Variants in CWC25 observed in about 807,000 individuals in gnomAD.
CWC25 encodes CWC25 spliceosome associated protein.
CWC25 carries 31 observed loss-of-function variants against 54.6 expected under a neutral mutation model. The ratio of observed to expected loss-of-function variants is 0.57; its 90% CI spans 0.43 to 0.77. The LOEUF (loss-of-function observed/expected upper bound fraction) is 0.77, where lower values mean the gene tolerates loss of function less well. Ranked by LOEUF, CWC25 falls within the 30% of genes least tolerant of loss-of-function variation. The probability of loss-of-function intolerance (pLI) is 0.00; values close to 1 mark genes in which losing one functional copy is unlikely to be tolerated. For missense variants in CWC25, 453 were observed against 529.3 expected (o/e 0.86, Z 1.41); for synonymous variants, 151 against 187.0 (o/e 0.81, Z 1.57).
At chr17:38,821,170 G>A in intron 1 of CWC25, 97 bp from the exon 2 acceptor site, 1 of 1,166,604 alleles carries the variant, frequency 8.6e-7, no homozygotes, top group Non-Finnish European at 1.2e-6. Context: ...ACCCAAGGCA[G>A]GCGTGTGAGG....
In CWC25 at chr17:38,800,622, C is replaced by T. The variant is rs143784640; in HGVS notation, c.*1470G>A. ...GTGTTCAAAAACAGAAATCCAAATA[C>T]ATTTTAAGCAGAATTAGGAATTAGC... On this transcript the variant is annotated 3_prime_UTR_variant, in exon 10 of 10. Coordinates refer to ENST00000614790, the MANE Select transcript of CWC25 (RefSeq NM_017748.5). 6.6e-6 allele frequency: 1 copy of T among 152,266 alleles called. No individual in the cohort carries two copies. The highest frequency in any genetic ancestry group is 2.4e-5 in the African/African-American group (1 of 41,548). The allele number at this position is 152,266 out of a possible 1,614,324, so 9.4% of individuals were successfully genotyped here. A position where few individuals can be genotyped will look rare whatever the true frequency, so the allele number is the denominator to read the frequency against.
intron 8 of CWC25, among the ~76,000 whole-genome samples, chr17:38,803,909 T>C (rs1447936490): frequency 1.3e-5 from 2 of 151,794 alleles, no homozygotes; most frequent in African/African-American, 4.8e-5. Flanking sequence ...TAGTTGGGCA[T>C]GGTGGCACCC....
rs887745214 is a variant in CWC25 at position 38,815,086 on chromosome 17, T to A, written c.203A>T (p.Glu68Val). Residue 68 changes from glutamate to valine, a missense_variant, in exon 3 of 10, where the codon GAA becomes GTA. By Grantham distance (121) the Glu-to-Val change is moderately radical. Transcript: ENST00000614790. ...ACCCTGGTACATCCAGTCCAACTTTTCTTCTTTTTTCCTGGTTCAAGGGAA... is the reference window on the plus strand; with the variant it reads ...ACCCTGGTACATCCAGTCCAACTTTACTTCTTTTTTCCTGGTTCAAGGGAA... ...EDVGAVKKKEEKLDWMYQGPG... is the reference protein window; with the variant it reads ...EDVGAVKKKEVKLDWMYQGPG... 1 of 1,612,192 alleles carries A rather than the reference T, an allele frequency of 6.2e-7. No homozygotes were observed. Among genetic ancestry groups the A allele is most frequent in the African/African-American group, 1.3e-5 (1 of 74,796 alleles).
chr17:38,811,569 G>A (rs1911490393), intron 4 of CWC25, among the ~76,000 whole-genome samples: 1 of 148,802 alleles, frequency 6.7e-6, no homozygotes, highest in Non-Finnish European at 1.5e-5. Flanking sequence ...AAAGATTACT[G>A]AGACCCCTAT....
At chr17:38,818,051 G>A (rs749995030) in intron 2 of CWC25, among the ~76,000 whole-genome samples, 12 of 151,540 alleles carry the variant, frequency 7.9e-5, no homozygotes, top group Admixed American at 2.0e-4. Context: ...GCTGAAGCGG[G>A]CAGATCACAA....
chr17:38,804,496 C>T (rs896696977), intron 8 of CWC25, among the ~76,000 whole-genome samples: 2 of 151,958 alleles, frequency 1.3e-5, no homozygotes, highest in Non-Finnish European at 2.9e-5. Context: ...ACATTGAAAC[C>T]CCATCTATAT....
In CWC25 at chr17:38,806,933, G is replaced by A; in HGVS notation, c.734C>T (p.Thr245Ile). 5 of 1,613,920 alleles carry A rather than the reference G, an allele frequency of 3.1e-6. No homozygotes were observed. Among genetic ancestry groups the A allele is most frequent in the Non-Finnish European group, 4.2e-6 (5 of 1,179,868 alleles). Residue 245 changes from threonine (T) to isoleucine (I), a missense_variant, in exon 7 of 10, where the codon ACA (threonine) becomes ATA (isoleucine). Physicochemically the swap from Thr to Ile is moderately conservative, Grantham distance 89. Around this residue, in one of 2 missense-constraint regions of CWC25, gnomAD observed 444 missense variants for 499.2 expected, o/e 0.89. Coordinates refer to ENST00000614790, the MANE Select transcript of CWC25 (RefSeq NM_017748.5). ...DRNQGLQGPLTAEQKRGHGMK... is the reference protein window; with the variant it reads ...DRNQGLQGPLIAEQKRGHGMK... ...CCCATGCCCTCTCTTTTGCTCTGCT[G>A]TCAGAGGACCCTGAAGACCCTGGTT...
At chr17:38,823,228 T>C (rs1457615799) in intron 1 of CWC25, among the ~76,000 whole-genome samples, 2 of 150,578 alleles carry the variant, frequency 1.3e-5, no homozygotes, top group African/African-American at 2.4e-5. Context: ...GGTGCAATCT[T>C]GGCTCACTGC....
rs779358498 is a variant in CWC25, at chr17:38,810,494, G to A, written c.600C>T (p.Ser200=). ...TCCCTGCACTGTGCTCATCCTCGCT[G>A]CTGGAACGATCACTACTCGAGCTTC... The part of the protein sequence containing the change: ...KHRSSSSDRS[S]SEDEHSAGRS... The change falls in exon 5 of 10, where the codon AGC becomes AGT. Residue 200 remains serine, a synonymous_variant. Transcript: ENST00000614790. 1.9e-6 allele frequency: 3 copies of A among 1,604,058 alleles called. No individual in the cohort carries two copies. The highest frequency in any genetic ancestry group is 1.3e-5 in the African/African-American group (1 of 74,752).
rs767667235 is a variant in CWC25, at chr17:38,801,791, C to T, written c.*301G>A. On this transcript the variant is annotated 3_prime_UTR_variant, in exon 10 of 10. Coordinates refer to ENST00000614790, the MANE Select transcript of CWC25 (RefSeq NM_017748.5). The stretch of plus-strand genomic sequence containing the variant: ...GTTGGCACAGGTAAGAAGGAAGTGG[C>T]ATGATAAACATCACAACCCCAGGGA... The T allele has an allele frequency of 1.5e-5, 4 of 262,418 alleles. No individual in the cohort carries two copies. In the South Asian group the frequency reaches 4.2e-4, roughly 27 times the overall value. The allele number at this position is 262,418 out of a possible 1,614,324, so 16.3% of individuals were successfully genotyped here. A position where few individuals can be genotyped will look rare whatever the true frequency, so the allele number is the denominator to read the frequency against.
At chr17:38,806,253 T>G (rs1369125291) in intron 8 of CWC25, 44 bp downstream of exon 8, 1 of 1,510,306 alleles carries the variant, frequency 6.6e-7, no homozygotes, top group Admixed American at 1.9e-5. Flanking sequence ...CCTTCTAGAT[T>G]CAGGCCTGCA....
intron 1 of CWC25, among the ~76,000 whole-genome samples, chr17:38,821,319 GGGAGGC>G (rs1911914931): frequency 6.6e-6 from 1 of 152,180 alleles, no homozygotes; most frequent in Non-Finnish European, 1.5e-5. Flanking sequence ...CCAGCACTTT[GGGAGGC>G]GGAGGCGGGA....
chr17:38,811,808 T>A (rs1312495270), intron 4 of CWC25, among the ~76,000 whole-genome samples: 1 of 152,200 alleles, frequency 6.6e-6, no homozygotes, highest in Non-Finnish European at 1.5e-5. Context: ...GTTTCCATTC[T>A]GTGTCACAGG....
At chr17:38,802,230 G>T (rs554143584) in intron 9 of CWC25, 24 bp from the exon 10 acceptor site, 2 of 1,519,542 alleles carry the variant, frequency 1.3e-6, no homozygotes, top group South Asian at 1.1e-5. Context: ...ACAGGCAAAT[G>T]CAAGTCAAAA....
intron 4 of CWC25, among the ~76,000 whole-genome samples, chr17:38,810,943 ATTACTG>A (rs1329001633): frequency 7.0e-6 from 1 of 142,160 alleles, no homozygotes; most frequent in Non-Finnish European, 1.5e-5. Context: ...AAAAAAAAAG[ATTACTG>A]GCTGGGCATG....
intron 2 of CWC25, chr17:38,815,484 G>C: frequency 2.4e-6 from 1 of 423,100 alleles, no homozygotes; most frequent in Non-Finnish European, 4.6e-6. Flanking sequence ...TTGAACCTGG[G>C]AGGCAGAGGT....
At chr17:38,821,124 T>C in intron 1 of CWC25, 51 bp from the exon 2 acceptor site, 5 of 1,567,644 alleles carry the variant, frequency 3.2e-6, no homozygotes, top group Non-Finnish European at 4.3e-6. Flanking sequence ...GACTGAGTGG[T>C]GGGTATAACT....
intron 5 of CWC25, 134 bp from the exon 6 acceptor site, chr17:38,809,899 T>C (rs1911413934): frequency 1.3e-6 from 1 of 759,050 alleles, no homozygotes; most frequent in Non-Finnish European, 2.1e-6. Flanking sequence ...GGCAGTACGT[T>C]TCTCTATTTG....
chr17:38,821,182 C>T, intron 1 of CWC25, 109 bp from the exon 2 acceptor site: 3 of 1,028,876 alleles, frequency 2.9e-6, no homozygotes, highest in Non-Finnish European at 4.2e-6. Context: ...CGTGTGAGGG[C>T]AAGATGTCTT....
Sources: allele counts gnomAD v4.1 joint callset (sites outside exome capture counted in the v4.1 genomes callset), GRCh38; gene constraint gnomAD v4.1.1; regional missense constraint gnomAD v4.1.1; transcripts MANE v1.5; gene names NCBI Gene and HGNC (gene_info 2026-07-23, HGNC 2026-07-21).